Variants in PPP4R3B observed in about 807,000 individuals in gnomAD.
The protein encoded by PPP4R3B is protein phosphatase 4 regulatory subunit 3B.
Under a neutral mutation model 95.4 loss-of-function variants are expected in PPP4R3B, and 52 were observed. The ratio of observed to expected loss-of-function variants is 0.54; its 90% CI spans 0.44 to 0.69. The LOEUF (loss-of-function observed/expected upper bound fraction) is 0.69, where lower values mean the gene tolerates loss of function less well. Among genes scored for constraint, PPP4R3B ranks in the 30% least tolerant of loss-of-function variants. The probability of loss-of-function intolerance (pLI) is 0.00; values close to 1 mark genes in which losing one functional copy is unlikely to be tolerated. For missense variants in PPP4R3B, 1,003 were observed against 1,005.9 expected (o/e 1.00, Z 0.04); for synonymous variants, 407 against 343.9 (o/e 1.18, Z -2.03).
At chr2:55,595,775 A>G (rs2104414849) in intron 4 of PPP4R3B, among the ~76,000 whole-genome samples, 1 of 151,818 alleles carries the variant, frequency 6.6e-6, no homozygotes, top group East Asian at 1.9e-4. Flanking sequence ...CACTGACATC[A>G]AACTAGAAAA....
intron 6 of PPP4R3B, among the ~76,000 whole-genome samples, chr2:55,585,754 G>A (rs1690051782): frequency 6.6e-6 from 1 of 152,172 alleles, no homozygotes; most frequent in Non-Finnish European, 1.5e-5. Flanking sequence ...ACCTTGAGGT[G>A]ATTCTGAAAA....
intron 15 of PPP4R3B, among the ~76,000 whole-genome samples, chr2:55,562,296 C>G (rs952636023): frequency 1.3e-5 from 2 of 152,054 alleles, no homozygotes; most frequent in African/African-American, 4.8e-5. Context: ...GTGGTACATG[C>G]CTGTAATCCC....
At chr2:55,550,964 G>T (rs1011636339) in intron 16 of PPP4R3B, among the ~76,000 whole-genome samples, 1 of 152,180 alleles carries the variant, frequency 6.6e-6, no homozygotes, top group Non-Finnish European at 1.5e-5. Flanking sequence ...GTCTGGATAT[G>T]CAAGAAGCAA....
At chr2:55,609,677 A>C (rs985429865) in intron 2 of PPP4R3B, among the ~76,000 whole-genome samples, 2 of 151,934 alleles carry the variant, frequency 1.3e-5, no homozygotes, top group Non-Finnish European at 2.9e-5. Flanking sequence ...CAAAAAAAAA[A>C]AAAACAAAAA....
chr2:55,585,006 T>C (rs1689952789), intron 7 of PPP4R3B, 45 bp downstream of exon 7: 2 of 1,324,386 alleles, frequency 1.5e-6, no homozygotes, highest in Non-Finnish European at 1.1e-6. Flanking sequence ...CAAACACTAC[T>C]CACTCTACAG....
chr2:55,564,535 A>C, intron 14 of PPP4R3B, 38 bp from the exon 15 acceptor site: 1 of 1,527,148 alleles, frequency 6.5e-7, no homozygotes, highest in Non-Finnish European at 8.8e-7. Context: ...GTAATGATTT[A>C]AAGTTCATCA....
At position 55,616,414 on chromosome 2, in the gene PPP4R3B, G is replaced by C. The variant is rs574265331; in HGVS notation, c.142+730C>G. ...TGCCTATATCAGTTGTTCAAATCAA[G>C]TCCAGATTATACTATAAAAGGCATT... On this transcript the variant is annotated intron_variant, in intron 1 of 16. Coordinates refer to ENST00000616407, the MANE Select transcript of PPP4R3B (RefSeq NM_001122964.3). 5.3e-5 allele frequency: 8 copies of C among 152,306 alleles called. 1 individual carries two copies. The South Asian group carries it at 1.2e-3, about 24-fold the overall frequency. 9.4% of individuals were successfully genotyped at this position (152,306 alleles called of 1,614,324 possible). A position where few individuals can be genotyped will look rare whatever the true frequency, so the allele number is the denominator to read the frequency against.
At chr2:55,585,658 T>C (rs1277227663) in intron 6 of PPP4R3B, among the ~76,000 whole-genome samples, 1 of 152,154 alleles carries the variant, frequency 6.6e-6, no homozygotes, top group Non-Finnish European at 1.5e-5. Flanking sequence ...TTTCTACCCT[T>C]TTCTGCAACT....
At chr2:55,576,863 G>C (rs1688754208) in intron 11 of PPP4R3B, among the ~76,000 whole-genome samples, 3 of 152,144 alleles carry the variant, frequency 2.0e-5, no homozygotes, top group Non-Finnish European at 4.4e-5. Flanking sequence ...GATGAGGCTG[G>C]CAGAAAAGGT....
At chr2:55,567,014 A>G (rs1186037556) in intron 13 of PPP4R3B, among the ~76,000 whole-genome samples, 1 of 152,236 alleles carries the variant, frequency 6.6e-6, no homozygotes, top group African/African-American at 2.4e-5. Flanking sequence ...CTCAAACAAA[A>G]CAAAACAAAA....
In PPP4R3B at chr2:55,549,917, G is replaced by A; in HGVS notation, c.2544C>T (p.Gly848=). 6.2e-7 allele frequency: 1 copy of A among 1,612,158 alleles called. No homozygotes were observed. The highest frequency in any genetic ancestry group is 8.5e-7 in the Non-Finnish European group (1 of 1,178,416). The change falls in exon 17 of 17, where the codon GGC becomes GGT. Residue 848 remains glycine, a synonymous_variant. Coordinates refer to ENST00000616407, the MANE Select transcript of PPP4R3B (RefSeq NM_001122964.3). ...ESSPRKRPRL[G]S The stretch of plus-strand genomic sequence containing the variant: ...GGGTCCCCTAATAAATATTTTATGA[G>A]CCAAGACGAGGTCTTTTCCTGGGGG...
Position 55,547,301 on chromosome 2 carries a change from T to C in PPP4R3B, c.*2610A>G, listed in dbSNP as rs935951579. The C allele has an allele frequency of 6.6e-6, 1 of 152,228 alleles. No individual in the cohort carries two copies. The highest frequency in any genetic ancestry group is 2.4e-5 in the African/African-American group (1 of 41,468). 9.4% of individuals were successfully genotyped at this position (152,228 alleles called of 1,614,324 possible). ...GATTAAAACACAGAAATCTGTTTCA[T>C]GTAACTTTTTATTAAAAATAGTTTT... is the stretch of plus-strand genomic sequence containing the variant. On this transcript the variant is annotated 3_prime_UTR_variant, in exon 17 of 17. Transcript: ENST00000616407.
At chr2:55,602,384 A>G (rs1692740709) in intron 3 of PPP4R3B, among the ~76,000 whole-genome samples, 1 of 152,230 alleles carries the variant, frequency 6.6e-6, no homozygotes. Context: ...TTTGGCCCTT[A>G]TCTAGCCCCA....
At chr2:55,595,408 T>C (rs1691628254) in intron 4 of PPP4R3B, among the ~76,000 whole-genome samples, 2 of 151,980 alleles carry the variant, frequency 1.3e-5, no homozygotes, top group South Asian at 2.1e-4. Context: ...GGAGCATCAC[T>C]TGAGGCCAGG....
At position 55,617,591 on chromosome 2, in the gene PPP4R3B, C is replaced by A. The variant is rs981895397; in HGVS notation, c.-306G>T. 7.2e-6 allele frequency: 2 copies of A among 277,890 alleles called. No homozygotes were observed. Among genetic ancestry groups the A allele is most frequent in the Non-Finnish European group, 1.4e-5 (2 of 146,684 alleles). The allele number at this position is 277,890 out of a possible 1,614,324, so 17.2% of individuals were successfully genotyped here. A position where few individuals can be genotyped will look rare whatever the true frequency, so the allele number is the denominator to read the frequency against. On this transcript the variant is annotated 5_prime_UTR_variant, in exon 1 of 17. Coordinates refer to ENST00000616407, the MANE Select transcript of PPP4R3B (RefSeq NM_001122964.3). ...GCGGTAACTACTACAGATCCGCCAT[C>A]TTGTAACCCGACTCTCTCTGCCTTT...
chr2:55,584,487 C>A (rs997066759), intron 7 of PPP4R3B, among the ~76,000 whole-genome samples: 1 of 152,020 alleles, frequency 6.6e-6, no homozygotes, highest in Non-Finnish European at 1.5e-5. Flanking sequence ...GTTTTTTTAT[C>A]CTTCACCCCC....
At chr2:55,583,079 A>G (rs1053889282) in intron 7 of PPP4R3B, among the ~76,000 whole-genome samples, 3 of 152,150 alleles carry the variant, frequency 2.0e-5, no homozygotes, top group African/African-American at 7.2e-5. Flanking sequence ...CTGCTCCATA[A>G]TACTTTACCA....
chr2:55,583,863 A>G (rs747909400), intron 7 of PPP4R3B, among the ~76,000 whole-genome samples: 96 of 152,366 alleles, frequency 6.3e-4, no homozygotes, highest in Middle Eastern at 6.8e-3. Context: ...AATTTCATTC[A>G]GTGGTAACTG....
At chr2:55,558,133 T>A (rs1686091262) in intron 16 of PPP4R3B, among the ~76,000 whole-genome samples, 1 of 152,152 alleles carries the variant, frequency 6.6e-6, no homozygotes, top group African/African-American at 2.4e-5. Context: ...CCACGCACAC[T>A]CATACACAGT....
Sources: allele counts gnomAD v4.1 joint callset (sites outside exome capture counted in the v4.1 genomes callset), GRCh38; gene constraint gnomAD v4.1.1; transcripts MANE v1.5; gene names NCBI Gene and HGNC (gene_info 2026-07-23, HGNC 2026-07-21).